The following PLXDC1 variants were observed in gnomAD, a reference collection of about 807,000 sequenced individuals.
PLXDC1 encodes the protein plexin domain containing 1.
PLXDC1 carries 39 observed loss-of-function variants against 61.3 expected under a neutral mutation model. The ratio of observed to expected loss-of-function variants is 0.64; its 90% CI spans 0.49 to 0.83. The LOEUF (loss-of-function observed/expected upper bound fraction) is 0.83, where lower values mean the gene tolerates loss of function less well. Ranked by LOEUF, PLXDC1 falls within the 40% of genes least tolerant of loss-of-function variation. PLXDC1 has a pLI of 0.00. For synonymous variants in PLXDC1, 212 were observed against 254.5 expected (o/e 0.83, Z 1.59); for missense variants, 596 against 666.5 (o/e 0.89, Z 1.17).
At chr17:39,151,649 T>TG (rs1290938398), upstream of PLXDC1, 164 of 617,280 alleles carry the variant, frequency 2.7e-4, 1 homozygote, top group African/African-American at 6.4e-3. This position sits in a 1 kb window ranked among gnomAD's most constrained non-coding sequence, Gnocchi z 5.2. Context: ...GGCGGGGAGC[T>TG]GGGGGGGCCG....
At chr17:39,103,672 C>G (rs1380304154) in intron 7 of PLXDC1, among the ~76,000 whole-genome samples, 2 of 151,786 alleles carry the variant, frequency 1.3e-5, no homozygotes, top group Admixed American at 6.6e-5. Context: ...ATGGTGAAAC[C>G]CTGTCTTTAC....
chr17:39,119,320 G>C (rs1911086190), intron 2 of PLXDC1, among the ~76,000 whole-genome samples: 1 of 152,156 alleles, frequency 6.6e-6, no homozygotes, highest in Non-Finnish European at 1.5e-5. Context: ...GTGTGAATGA[G>C]CCCACCACAA....
At chr17:39,115,676 G>A (rs1189867940) in intron 2 of PLXDC1, among the ~76,000 whole-genome samples, 6 of 152,356 alleles carry the variant, frequency 3.9e-5, no homozygotes, top group East Asian at 3.9e-4. Flanking sequence ...ATTTGGGAGC[G>A]TGGGAGGAAG....
chr17:39,103,356 G>GA (rs956003871), intron 7 of PLXDC1, among the ~76,000 whole-genome samples: 31 of 152,008 alleles, frequency 2.0e-4, no homozygotes, highest in African/African-American at 7.5e-4. Context: ...GGCAACATGG[G>GA]AAAACCCTGT....
intron 11 of PLXDC1, among the ~76,000 whole-genome samples, chr17:39,077,134 C>T (rs1003000692): frequency 2.0e-5 from 3 of 152,198 alleles, no homozygotes; most frequent in Non-Finnish European, 1.5e-5. Context: ...TCCCGAAGTG[C>T]TGGGATTACA....
Position 39,087,696 on chromosome 17 carries a change from C to G in PLXDC1, c.818G>C (p.Arg273Pro). The change falls in exon 8 of 14, where the codon CGG becomes CCG. Residue 273 changes from arginine (R) to proline (P), a missense_variant. Transcript: ENST00000315392. ...LNPSPDVPES[R>P]RRSIFEYHRI... is the part of the protein sequence containing the mutation. ...GTGATATTCAAAGATGCTCCTTCGC[C>G]GAGATTCTGAAACAGAGGCAGAGCC... 6.2e-7 allele frequency: 1 copy of G among 1,612,856 alleles called. No individual in the cohort carries two copies. Among genetic ancestry groups the G allele is most frequent in the Non-Finnish European group, 8.5e-7 (1 of 1,179,144 alleles).
chr17:39,068,019 A>T, intron 13 of PLXDC1, 60 bp from the exon 14 acceptor site: 1 of 1,570,482 alleles, frequency 6.4e-7, no homozygotes, highest in Non-Finnish European at 8.7e-7. Flanking sequence ...GGGACCCCAC[A>T]CTCCTGAGCG....
intron 1 of PLXDC1, 83 bp from the exon 2 acceptor site, chr17:39,139,915 G>A: frequency 7.4e-7 from 1 of 1,345,722 alleles, no homozygotes; most frequent in Non-Finnish European, 1.0e-6. Flanking sequence ...ATTCTGCAAG[G>A]GCCCCAACAC....
At chr17:39,118,410 G>A (rs12946061) in intron 2 of PLXDC1, among the ~76,000 whole-genome samples, 12,112 of 151,796 alleles carry the variant, frequency 0.08, 519 homozygotes, top group East Asian at 0.12. Flanking sequence ...TACCATGTTG[G>A]CCAGGCTGTT....
intron 2 of PLXDC1, among the ~76,000 whole-genome samples, chr17:39,112,457 C>CTTTT (rs11448360): frequency 1.7e-4 from 20 of 121,072 alleles, no homozygotes; most frequent in African/African-American, 2.5e-4. Flanking sequence ...TTTTTTCTTT[C>CTTTT]TTTTTTTTTT....
rs114480223 is a variant in PLXDC1, at chr17:39,079,585, C to G, written c.990-421G>C. 6.7e-3 allele frequency: 3,064 copies of G among 456,662 alleles called. 74 individuals are homozygous for G. The highest frequency in any genetic ancestry group is 0.055 in the African/African-American group (2,785 of 50,196). The allele number at this position is 456,662 out of a possible 1,614,324, so 28.3% of individuals were successfully genotyped here. On this transcript the variant is annotated intron_variant, in intron 9 of 13. Transcript: ENST00000315392. ...TAGGCCTCAGCAGACTTAGTCAACA[C>G]CTCCCCATGTGATCATTCAAGGGCA...
At chr17:39,082,854 T>A (rs970550206) in intron 9 of PLXDC1, among the ~76,000 whole-genome samples, 6 of 152,224 alleles carry the variant, frequency 3.9e-5, no homozygotes, top group African/African-American at 1.4e-4. Flanking sequence ...AAGAACATTA[T>A]CACTGAAACT....
rs542172409 is a variant in PLXDC1, at chr17:39,104,092, T to C, written c.811+1762A>G. 1.1e-4 allele frequency among the ~76,000 whole-genome samples: 16 copies of C among 152,308 alleles called. 1 individual carries two copies. The South Asian group carries it at 3.3e-3, about 32-fold the overall frequency. On this transcript the variant is annotated intron_variant, in intron 7 of 13. Transcript: ENST00000315392. ...CAGAACAAGGTGTCCTGCTGGATTA[T>C]AAAATGCTGAGTTTTAAAGTCTACT... is the stretch of plus-strand genomic sequence containing the variant.
At chr17:39,088,603 AC>A (rs1424378333) in intron 7 of PLXDC1, among the ~76,000 whole-genome samples, 5 of 152,036 alleles carry the variant, frequency 3.3e-5, no homozygotes, top group African/African-American at 1.2e-4. Flanking sequence ...CACGATACCC[AC>A]CCAGGAACCA....
Position 39,139,831 on chromosome 17 carries a change from A to G in PLXDC1, c.78T>C (p.Gly26=). 6.3e-7 allele frequency: 1 copy of G among 1,597,600 alleles called. No homozygotes were observed. Among genetic ancestry groups the G allele is most frequent in the Non-Finnish European group, 8.6e-7 (1 of 1,169,420 alleles). The change falls in exon 2 of 14, where the codon GGT becomes GGC. Residue 26 remains glycine, a splice_region_variant and synonymous_variant. Coordinates refer to ENST00000315392, the MANE Select transcript of PLXDC1 (RefSeq NM_020405.5). ...ARALSPQPGA[G]HDEGPGSGWA... ...ATCCAGAGCCTGGGCCCTCATCGTG[A>G]CCTGGGAGAAGGGGACAGAAACCTG...
rs2143682577 is a variant in PLXDC1, at chr17:39,108,989, G to A, written c.400-16C>T. On this transcript the variant is annotated splice_polypyrimidine_tract_variant and intron_variant, in intron 3 of 13. Transcript: ENST00000315392. ...AGACCACTCTCTGCAGGGGATGGGAGAAAGTCAGCACGGGCCAAGCTGCAG... is the reference window on the plus strand; with the variant it reads ...AGACCACTCTCTGCAGGGGATGGGAAAAAGTCAGCACGGGCCAAGCTGCAG... The A allele has an allele frequency of 6.2e-7, 1 of 1,600,358 alleles. No homozygotes were observed. Among genetic ancestry groups the A allele is most frequent in the Non-Finnish European group, 8.6e-7 (1 of 1,168,008 alleles).
intron 7 of PLXDC1, 125 bp downstream of exon 7, chr17:39,105,729 G>A (rs189277199): frequency 4.7e-6 from 3 of 633,598 alleles, no homozygotes; most frequent in Non-Finnish European, 8.5e-6. Context: ...TTTCCTGCCT[G>A]GTTTCCCTCT....
Position 39,087,654 on chromosome 17 carries a change from G to A in PLXDC1, c.860C>T (p.Pro287Leu). Residue 287 changes from proline to leucine, a missense_variant, in exon 8 of 14, where the codon CCC becomes CTC. Physicochemically the swap from Pro to Leu is moderately conservative, Grantham distance 98. Coordinates refer to ENST00000315392, the MANE Select transcript of PLXDC1 (RefSeq NM_020405.5). Reference sequence around the variant, plus strand: ...GGCCGACATGCTGGTGACCTTGCTGGGGTCCAGCTCTATGCGGTGATATTC... The same window carrying A: ...GGCCGACATGCTGGTGACCTTGCTGAGGTCCAGCTCTATGCGGTGATATTC... ...IFEYHRIELD[P>L]SKVTSMSAVE... 6.2e-7 allele frequency: 1 copy of A among 1,614,120 alleles called. No homozygotes were observed. The highest frequency in any genetic ancestry group is 8.5e-7 in the Non-Finnish European group (1 of 1,180,010).
intron 2 of PLXDC1, among the ~76,000 whole-genome samples, chr17:39,118,474 G>C (rs1357054923): frequency 6.6e-6 from 1 of 152,110 alleles, no homozygotes; most frequent in Non-Finnish European, 1.5e-5. Context: ...AAAGTGCTGG[G>C]ATTACAAGCA....
Sources: allele counts gnomAD v4.1 joint callset (sites outside exome capture counted in the v4.1 genomes callset), GRCh38; gene constraint gnomAD v4.1.1; non-coding constraint Gnocchi (gnomAD v3.1); transcripts MANE v1.5; gene names NCBI Gene and HGNC (gene_info 2026-07-23, HGNC 2026-07-21).